Variants in GPR149 observed in about 807,000 individuals in gnomAD.
The protein encoded by GPR149 is G protein-coupled receptor 149.
In GPR149, 50 loss-of-function variants were observed where a neutral mutation model predicts 50.2. That is an observed-to-expected ratio of 1.00 (90% CI 0.79 to 1.26). The LOEUF (loss-of-function observed/expected upper bound fraction) is 1.26, where lower values mean the gene tolerates loss of function less well. Ranked by LOEUF, GPR149 falls within the 50% of genes most tolerant of loss-of-function variation. GPR149 has a pLI of 0.00. For synonymous variants in GPR149, 405 were observed against 358.2 expected, an observed-to-expected ratio of 1.13 and a Z score of -1.48; for missense variants, 983 against 895.4, an observed-to-expected ratio of 1.10 and a Z score of -1.25.
At chr3:154,361,397 C>A (rs951726107) in intron 3 of GPR149, among the ~76,000 whole-genome samples, 1 of 152,160 alleles carries the variant, frequency 6.6e-6, no homozygotes, top group African/African-American at 2.4e-5. Context: ...CATAAAAGTA[C>A]GTGTCCTAAT....
intron 3 of GPR149, among the ~76,000 whole-genome samples, chr3:154,376,843 A>G (rs982925189): frequency 6.6e-6 from 1 of 152,182 alleles, no homozygotes; most frequent in South Asian, 2.1e-4. Context: ...CATTTTACAG[A>G]TGGATGCCCT....
chr3:154,395,388 A>ATC (rs1026521628), intron 3 of GPR149, among the ~76,000 whole-genome samples: 13 of 149,328 alleles, frequency 8.7e-5, no homozygotes, highest in Non-Finnish European at 1.6e-4. Flanking sequence ...ATATATATAT[A>ATC]TCTAAATGTA....
intron 3 of GPR149, among the ~76,000 whole-genome samples, chr3:154,410,099 CA>C (rs1711793679): frequency 6.6e-6 from 1 of 152,060 alleles, no homozygotes; most frequent in South Asian, 2.1e-4. Context: ...ACAAAACAAT[CA>C]TCATCCAATA....
chr3:154,406,980 C>T (rs542344825), intron 3 of GPR149, among the ~76,000 whole-genome samples: 9 of 152,206 alleles, frequency 5.9e-5, no homozygotes, highest in South Asian at 4.1e-4. Context: ...TGTCTTAGAT[C>T]GTGGCAGGCA....
chr3:154,358,450 T>TA (rs896477073), intron 3 of GPR149, among the ~76,000 whole-genome samples: 1 of 151,884 alleles, frequency 6.6e-6, no homozygotes, highest in East Asian at 1.9e-4. Flanking sequence ...AAAGCTCTTC[T>TA]AAAAAAAATT....
intron 3 of GPR149, among the ~76,000 whole-genome samples, chr3:154,350,294 A>G (rs1380349503): frequency 1.3e-5 from 2 of 152,222 alleles, no homozygotes; most frequent in Non-Finnish European, 2.9e-5. Context: ...TGATTTATGT[A>G]GAAAATCCCA....
At chr3:154,423,193 T>G (rs896947520) in intron 2 of GPR149, among the ~76,000 whole-genome samples, 2 of 151,892 alleles carry the variant, frequency 1.3e-5, no homozygotes, top group Non-Finnish European at 2.9e-5. Flanking sequence ...CAAGAGACCA[T>G]GATGTGATAG....
At chr3:154,413,941 A>AGTAT (rs935791988) in intron 3 of GPR149, among the ~76,000 whole-genome samples, 5 of 84,072 alleles carry the variant, frequency 5.9e-5, no homozygotes, top group African/African-American at 1.9e-4. Context: ...AAGAAATTGT[A>AGTAT]GTATATATAT....
chr3:154,358,018 T>G (rs1310669707), intron 3 of GPR149, among the ~76,000 whole-genome samples: 1 of 152,092 alleles, frequency 6.6e-6, no homozygotes, highest in Non-Finnish European at 1.5e-5. Context: ...GAAACCATCA[T>G]TCTCAGCAAA....
intron 3 of GPR149, among the ~76,000 whole-genome samples, chr3:154,388,869 A>AACAC (rs367742706): frequency 8.2e-6 from 1 of 121,352 alleles, no homozygotes; most frequent in Non-Finnish European, 1.8e-5. Flanking sequence ...ACACATATGA[A>AACAC]AAACACACAC....
chr3:154,348,760 T>A (rs1306354862), intron 3 of GPR149, among the ~76,000 whole-genome samples: 1 of 152,050 alleles, frequency 6.6e-6, no homozygotes, highest in East Asian at 1.9e-4. Context: ...TAATCAACAT[T>A]TGTAGAAAAT....
intron 3 of GPR149, among the ~76,000 whole-genome samples, chr3:154,380,166 CAGAGAGAGAGAGAGAGAGAG>C (rs57858107): frequency 5.2e-5 from 7 of 133,602 alleles, no homozygotes; most frequent in East Asian, 2.2e-4. Context: ...GTGAGAGAGA[CAGAGAGAGAGAGAGAGAGAG>C]AGAGAGAGAG....
chr3:154,343,113 C>T (rs937333476), intron 3 of GPR149, among the ~76,000 whole-genome samples: 2 of 152,066 alleles, frequency 1.3e-5, no homozygotes, highest in African/African-American at 4.8e-5. Flanking sequence ...GATATAAAAG[C>T]AAGCAAATTG....
intron 3 of GPR149, among the ~76,000 whole-genome samples, chr3:154,402,483 A>G (rs1576923033): frequency 1.9e-5 from 2 of 105,792 alleles, no homozygotes; most frequent in East Asian, 6.9e-4. Context: ...CAAAGTAGAC[A>G]AGTGATATTT....
intron 3 of GPR149, among the ~76,000 whole-genome samples, chr3:154,374,578 A>T (rs2108403078): frequency 6.6e-6 from 1 of 152,278 alleles, no homozygotes; most frequent in South Asian, 2.1e-4. Context: ...TTTAGACTCA[A>T]ACTAGGGTTA....
chr3:154,351,456 A>G (rs998078649), intron 3 of GPR149, among the ~76,000 whole-genome samples: 2 of 152,072 alleles, frequency 1.3e-5, no homozygotes, highest in African/African-American at 4.8e-5. Context: ...ATAGGAGAAA[A>G]TCTTTGAGAT....
chr3:154,350,351 T>A (rs907377890), intron 3 of GPR149, among the ~76,000 whole-genome samples: 1 of 152,172 alleles, frequency 6.6e-6, no homozygotes, highest in African/African-American at 2.4e-5. Context: ...CTAAGCAAGG[T>A]CACAGGATAT....
chr3:154,424,110 G>C (rs765131888), intron 2 of GPR149, among the ~76,000 whole-genome samples: 1 of 151,808 alleles, frequency 6.6e-6, no homozygotes, highest in East Asian at 1.9e-4. Context: ...GACAAACCAC[G>C]TTCATAGACT....
At chr3:154,363,563 T>C (rs892890737) in intron 3 of GPR149, among the ~76,000 whole-genome samples, 41 of 151,568 alleles carry the variant, frequency 2.7e-4, no homozygotes, top group African/African-American at 9.8e-4. Flanking sequence ...ATCCTGATAG[T>C]GACAGGAAAC....
Sources: gnomAD v4.1 joint callset for allele counts (sites outside exome capture counted in the v4.1 genomes callset) on GRCh38, gnomAD v4.1.1 for gene constraint, MANE v1.5 for transcripts, NCBI Gene and HGNC (gene_info 2026-07-23, HGNC 2026-07-21) for gene names.